The following MEIOSIN variants were observed in gnomAD, a reference collection of about 807,000 sequenced individuals.
MEIOSIN encodes the protein meiosis initiator.
In MEIOSIN, 18 loss-of-function variants were observed where a neutral mutation model predicts 23.4. That is an observed-to-expected ratio of 0.77 (90% CI 0.53 to 1.14). The LOEUF (loss-of-function observed/expected upper bound fraction) is 1.14. MEIOSIN is among the 50% of genes most tolerant of loss of function. The pLI is 0.00. For synonymous variants in MEIOSIN, 187 were observed against 100.6 expected, an observed-to-expected ratio of 1.86 and a Z score of -5.14; for missense variants, 428 against 242.9, an observed-to-expected ratio of 1.76 and a Z score of -5.07.
intron 7 of MEIOSIN, 136 bp downstream of exon 7, chr19:45,754,860 C>G: frequency 1.6e-6 from 1 of 624,370 alleles, no homozygotes; most frequent in Non-Finnish European, 2.9e-6. Context: ...ACTTCTCAAG[C>G]TTGTGGCCTT....
chr19:45,738,448 T>C (rs1234754250), intron 2 of MEIOSIN, among the ~76,000 whole-genome samples: 1 of 152,212 alleles, frequency 6.6e-6, no homozygotes, highest in Non-Finnish European at 1.5e-5. Context: ...CAAAACCCCA[T>C]CTCTACTAAA....
chr19:45,751,655 C>T (rs971607898), intron 5 of MEIOSIN, among the ~76,000 whole-genome samples: 1 of 151,472 alleles, frequency 6.6e-6, no homozygotes, highest in African/African-American at 2.4e-5. Flanking sequence ...TTTTACACTA[C>T]AGTAACAGCG....
chr19:45,735,509 A>G, intron 2 of MEIOSIN, 62 bp downstream of exon 2: 1 of 667,510 alleles, frequency 1.5e-6, no homozygotes, highest in Admixed American at 2.3e-5. Context: ...TAATAACAAA[A>G]ACATTTGCTG....
intron 13 of MEIOSIN, among the ~76,000 whole-genome samples, chr19:45,762,978 T>G (rs1487509077): frequency 6.6e-6 from 1 of 151,612 alleles, no homozygotes; most frequent in African/African-American, 2.4e-5. Context: ...GTCTCTAAGG[T>G]TTTAAGCAAA....
chr19:45,756,628 T>C (rs1169192095), intron 8 of MEIOSIN, among the ~76,000 whole-genome samples: 1 of 152,086 alleles, frequency 6.6e-6, no homozygotes, highest in Non-Finnish European at 1.5e-5. Context: ...CCCCCTATGT[T>C]GCCTAGGCTG....
intron 8 of MEIOSIN, 106 bp from the exon 9 acceptor site, chr19:45,757,071 C>T: frequency 4.8e-6 from 3 of 619,334 alleles, no homozygotes; most frequent in Non-Finnish European, 8.8e-6. Flanking sequence ...CTGAGCTTTA[C>T]ACCCCCAGCA....
Position 45,748,858 on chromosome 19 carries a change from C to T in MEIOSIN, c.307-1817C>T, listed in dbSNP as rs141035942. The stretch of plus-strand genomic sequence containing the variant: ...CCGAGGTGGGTGGATCACTTGAGGT[C>T]GGTAGTTCGAGACCAACCTGGCCAA... On this transcript the variant is annotated intron_variant, in intron 4 of 14. Coordinates refer to ENST00000457052, the MANE Select transcript of MEIOSIN (RefSeq NM_001310124.2). 2.1e-3 allele frequency among the ~76,000 whole-genome samples: 321 copies of T among 151,508 alleles called. 1 individual carries two copies. The highest frequency in any genetic ancestry group is 7.4e-3 in the African/African-American group (304 of 41,230).
chr19:45,757,984 C>T (rs986351104), intron 9 of MEIOSIN, among the ~76,000 whole-genome samples: 1 of 148,924 alleles, frequency 6.7e-6, no homozygotes, highest in African/African-American at 2.5e-5. Flanking sequence ...CGTGCCCCTG[C>T]TCCCGACCTC....
chr19:45,751,926 T>C (rs1968719662), intron 5 of MEIOSIN, among the ~76,000 whole-genome samples: 1 of 151,632 alleles, frequency 6.6e-6, no homozygotes, highest in African/African-American at 2.4e-5. Context: ...AGAGACGGTG[T>C]TTCACCATAT....
rs147747133 is a variant in MEIOSIN at position 45,758,776 on chromosome 19, C to G, written c.1013-102C>G. The G allele has an allele frequency of 1.0e-3, 646 of 617,230 alleles. 4 individuals are homozygous for G. The highest frequency in any genetic ancestry group is 0.01 in the African/African-American group (557 of 54,424). 38.2% of individuals were successfully genotyped at this position (617,230 alleles called of 1,614,324 possible). A position where few individuals can be genotyped will look rare whatever the true frequency, so the allele number is the denominator to read the frequency against. On this transcript the variant is annotated intron_variant, in intron 9 of 14. Coordinates refer to ENST00000457052, the MANE Select transcript of MEIOSIN (RefSeq NM_001310124.2). ...GAATTCAAAATGAGAAACTGAGATT[C>G]GCTTTCCGTAGCATCAGGCACTATC...
Position 45,739,681 on chromosome 19 carries a change from C to A in MEIOSIN, c.127C>A (p.Pro43Thr). 1 of 703,480 alleles carries A rather than the reference C, an allele frequency of 1.4e-6. No homozygotes were observed. The highest frequency in any genetic ancestry group is 2.0e-5 in the Admixed American group (1 of 49,992). 43.6% of individuals were successfully genotyped at this position (703,480 alleles called of 1,614,324 possible). A position where few individuals can be genotyped will look rare whatever the true frequency, so the allele number is the denominator to read the frequency against. ...EGEDKVNPSE[P>T]HGLRMEEKWL... ...GGAAGATAAGGTCAACCCCTCCGAA[C>A]CACATGGACTGAGAATGGAGGAGAA... The change falls in exon 3 of 15, where the codon CCA becomes ACA. Residue 43 changes from proline (P) to threonine (T), a missense_variant. Pro to Thr is a conservative substitution (Grantham distance 38, BLOSUM62 -1). Coordinates refer to ENST00000457052, the MANE Select transcript of MEIOSIN (RefSeq NM_001310124.2).
At chr19:45,753,364 C>T (rs1027973478) in intron 5 of MEIOSIN, among the ~76,000 whole-genome samples, 2 of 151,978 alleles carry the variant, frequency 1.3e-5, no homozygotes, top group African/African-American at 4.8e-5. Context: ...CTGGTGTGGG[C>T]GGGGAGAGGG....
At chr19:45,757,807 C>T (rs1332320075) in intron 9 of MEIOSIN, among the ~76,000 whole-genome samples, 1 of 152,016 alleles carries the variant, frequency 6.6e-6, no homozygotes, top group African/African-American at 2.4e-5. Context: ...AGGCATGAAC[C>T]ACCCCTCCGA....
chr19:45,738,428 G>A (rs1045502106), intron 2 of MEIOSIN, among the ~76,000 whole-genome samples: 1 of 152,234 alleles, frequency 6.6e-6, no homozygotes, highest in Non-Finnish European at 1.5e-5. Flanking sequence ...GACCAGCCTG[G>A]CCAACAGGGC....
intron 2 of MEIOSIN, among the ~76,000 whole-genome samples, chr19:45,736,714 G>A (rs1035470213): frequency 2.6e-5 from 4 of 151,698 alleles, no homozygotes; most frequent in Non-Finnish European, 5.9e-5. Flanking sequence ...GACTACAGGC[G>A]CCCACCACCA....
At chr19:45,740,363 G>T (rs999214047) in intron 3 of MEIOSIN, among the ~76,000 whole-genome samples, 40 of 152,182 alleles carry the variant, frequency 2.6e-4, no homozygotes, top group Admixed American at 1.9e-3. Flanking sequence ...AAAAACTGGA[G>T]CTTATATATC....
Position 45,764,499 on chromosome 19 carries a change from G to A in MEIOSIN, c.*381G>A, listed in dbSNP as rs1471408567. On this transcript the variant is annotated 3_prime_UTR_variant, in exon 15 of 15. Coordinates refer to ENST00000457052, the MANE Select transcript of MEIOSIN (RefSeq NM_001310124.2). ...CTGTTCTATTTTTAGACTATTTATT[G>A]TTTTAAATAAAATAAAGCAAGTGGA... The A allele has an allele frequency of 5.7e-6, 1 of 173,924 alleles. No individual in the cohort carries two copies. The highest frequency in any genetic ancestry group is 2.4e-5 in the African/African-American group (1 of 41,652). 10.8% of individuals were successfully genotyped at this position (173,924 alleles called of 1,614,324 possible). A position where few individuals can be genotyped will look rare whatever the true frequency, so the allele number is the denominator to read the frequency against.
chr19:45,761,423 ATTTTTTTTTTTTT>A lies in MEIOSIN; in HGVS notation c.1246-240_1246-228del, dbSNP rs35838022. On this transcript the variant is annotated intron_variant, in intron 11 of 14. Transcript: ENST00000457052. ...AGGCATGAGCCACTGCGCCTGGCCT[ATTTTTTTTTTTTT>A]TTTTTTTTTTTTTTTGTAGAACAAG... 1.5e-4 allele frequency among the ~76,000 whole-genome samples: 9 copies of A among 59,824 alleles called. No homozygotes were observed. In the South Asian group the frequency reaches 4.2e-3, roughly 28 times the overall value. 39.2% of individuals were successfully genotyped at this position (59,824 alleles called of 152,430 possible).
intron 7 of MEIOSIN, among the ~76,000 whole-genome samples, chr19:45,755,749 A>T (rs1044947171): frequency 6.6e-6 from 1 of 152,098 alleles, no homozygotes; most frequent in Non-Finnish European, 1.5e-5. Context: ...CCCAGCCCCC[A>T]TTACAGCTTC....
Sources: gnomAD v4.1 joint callset for allele counts (sites outside exome capture counted in the v4.1 genomes callset) on GRCh38, gnomAD v4.1.1 for gene constraint, MANE v1.5 for transcripts, NCBI Gene and HGNC (gene_info 2026-07-23, HGNC 2026-07-21) for gene names.